The following KIF20B variants were observed in gnomAD, a reference collection of about 807,000 sequenced individuals.
The protein encoded by KIF20B is kinesin family member 20B.
A neutral mutation model predicts 232.5 loss-of-function variants in KIF20B; 188 were observed. The ratio of observed to expected loss-of-function variants is 0.81; its 90% CI spans 0.72 to 0.91. The LOEUF is 0.91. KIF20B is among the 40% of genes least tolerant of loss of function. The pLI, the probability that KIF20B is intolerant of heterozygous loss-of-function variation, is 0.00. For missense variants in KIF20B, 2,154 were observed against 2,055.9 expected, an observed-to-expected ratio of 1.05 and a Z score of -0.92; for synonymous variants, 712 against 683.0, an observed-to-expected ratio of 1.04 and a Z score of -0.66.
chr10:89,704,828 A>G (rs1308173636), intron 1 of KIF20B, among the ~76,000 whole-genome samples: 1 of 152,222 alleles, frequency 6.6e-6, no homozygotes, highest in Non-Finnish European at 1.5e-5. Context: ...AAGTGCTGGG[A>G]TTACAGGCGT....
At chr10:89,753,300 GT>G (rs1231713167) in intron 25 of KIF20B, among the ~76,000 whole-genome samples, 1 of 152,080 alleles carries the variant, frequency 6.6e-6, no homozygotes, top group Non-Finnish European at 1.5e-5. Flanking sequence ...AAACATAATA[GT>G]TTTGGGAGAT....
chr10:89,771,922 A>G (rs1274884496), intron 31 of KIF20B, among the ~76,000 whole-genome samples: 1 of 151,928 alleles, frequency 6.6e-6, no homozygotes, highest in Non-Finnish European at 1.5e-5. Flanking sequence ...CTGGGTTGTT[A>G]CTTTCATTTT....
Position 89,771,522 on chromosome 10 carries a change from G to A in KIF20B, c.5243-1167G>A, listed in dbSNP as rs1255094759. 2.0e-5 allele frequency among the ~76,000 whole-genome samples: 3 copies of A among 151,982 alleles called. No individual in the cohort carries two copies. The East Asian group carries it at 5.8e-4, about 29-fold the overall frequency. On this transcript the variant is annotated intron_variant, in intron 31 of 32. Coordinates refer to ENST00000371728, the MANE Select transcript of KIF20B (RefSeq NM_001284259.2). The stretch of plus-strand genomic sequence containing the variant: ...GCCAATGCATTATAATCTCTTAAGG[G>A]AGTTATAGTCAAGGATCCAGCATCC...
At chr10:89,764,679 CT>C (rs571674346) in intron 29 of KIF20B, among the ~76,000 whole-genome samples, 89 of 151,740 alleles carry the variant, frequency 5.9e-4, no homozygotes, top group Middle Eastern at 3.4e-3. Flanking sequence ...TGTTTTTTGG[CT>C]GCATAAATGT....
In KIF20B at chr10:89,759,738, T is replaced by C. The variant is rs567347384; in HGVS notation, c.4681-788T>C. On this transcript the variant is annotated intron_variant, in intron 27 of 32. Transcript: ENST00000371728. ...AGAGTTGTGAAATTAATGAAGATTG[T>C]AAAACAAGTAGCACAGTTCTTACTC... Among the ~76,000 whole-genome samples, 3 of 152,260 alleles carry C rather than the reference T, an allele frequency of 2.0e-5. No homozygotes were observed. The East Asian group carries it at 5.8e-4, about 29-fold the overall frequency.
chr10:89,772,859 T>C, intron 32 of KIF20B, 28 bp downstream of exon 32: 1 of 1,561,668 alleles, frequency 6.4e-7, no homozygotes, highest in Non-Finnish European at 8.6e-7. Flanking sequence ...TTTTCATCAA[T>C]GTAGAACTGT....
chr10:89,772,360 T>C (rs1842479693), intron 31 of KIF20B, among the ~76,000 whole-genome samples: 1 of 152,098 alleles, frequency 6.6e-6, no homozygotes, highest in South Asian at 2.1e-4. Flanking sequence ...CCACTATGTA[T>C]ATATCCTGCT....
rs1843151269 is a variant in KIF20B, at chr10:89,725,065, A to AGAT, written c.1908_1909insGAT (p.Glu636_Arg637insAsp). The AGAT allele has an allele frequency of 6.2e-7, 1 of 1,613,754 alleles. No individual in the cohort carries two copies. The highest frequency in any genetic ancestry group is 8.5e-7 in the Non-Finnish European group (1 of 1,179,830). On this transcript the variant is annotated inframe_insertion, in exon 15 of 33. Coordinates refer to ENST00000371728, the MANE Select transcript of KIF20B (RefSeq NM_001284259.2). Reference sequence around the variant, plus strand: ...GAGAGATATTAGAAGAAAATGCTGAACGTCGTTTGGCTATCTTCAAGGATT... The same window carrying AGAT: ...GAGAGATATTAGAAGAAAATGCTGAAGATCGTCGTTTGGCTATCTTCAAGGATT...
chr10:89,715,992 A>AAAATAAATAAATAAATAAAT lies in KIF20B; in HGVS notation c.941-432_941-413dup, dbSNP rs372772817. Among the ~76,000 whole-genome samples the AAAATAAATAAATAAATAAAT allele has an allele frequency of 6.1e-3, 911 of 149,044 alleles. 3 individuals carry two copies. The highest frequency in any genetic ancestry group is 0.012 in the South Asian group (54 of 4,626). On this transcript the variant is annotated intron_variant, in intron 8 of 32. Coordinates refer to ENST00000371728, the MANE Select transcript of KIF20B (RefSeq NM_001284259.2). ...GGCAACAGAGTGAAACCTTGTCTCC[A>AAAATAAATAAATAAATAAAT]AAATAAATAAATAAATAAATAAATA...
chr10:89,752,140 A>T (rs181892126), intron 24 of KIF20B, among the ~76,000 whole-genome samples: 1 of 152,174 alleles, frequency 6.6e-6, no homozygotes, highest in East Asian at 1.9e-4. Flanking sequence ...GAGATGAAAA[A>T]ATGTAATAGT....
At chr10:89,773,037 A>G (rs1284681094) in intron 32 of KIF20B, among the ~76,000 whole-genome samples, 2 of 152,062 alleles carry the variant, frequency 1.3e-5, no homozygotes, top group Non-Finnish European at 2.9e-5. Context: ...GCATTTGAAA[A>G]TGCATCAGAG....
At position 89,714,997 on chromosome 10, in the gene KIF20B, C is replaced by A; in HGVS notation, c.755C>A (p.Ser252Tyr). 1.3e-6 allele frequency: 2 copies of A among 1,593,728 alleles called. No individual in the cohort carries two copies. Among genetic ancestry groups the A allele is most frequent in the South Asian group, 1.2e-5 (1 of 86,326 alleles). Residue 252 changes from serine (S) to tyrosine (Y), a missense_variant, in exon 8 of 33, where the codon TCC (serine) becomes TAC (tyrosine). Coordinates refer to ENST00000371728, the MANE Select transcript of KIF20B (RefSeq NM_001284259.2). ...TTGAATATCTCAGAGTTTGAAGAATCCATAAAAGATTATGAACAAGCCAAC... is the reference window on the plus strand; with the variant it reads ...TTGAATATCTCAGAGTTTGAAGAATACATAAAAGATTATGAACAAGCCAAC... ...NSLNISEFEE[S>Y]IKDYEQANLN... is the part of the protein sequence containing the mutation.
At chr10:89,745,352 G>A (rs944734863) in intron 22 of KIF20B, among the ~76,000 whole-genome samples, 5 of 151,952 alleles carry the variant, frequency 3.3e-5, no homozygotes, top group African/African-American at 4.8e-5. Context: ...GTGAAACCCC[G>A]TCTCTACTAA....
rs1842535673 is a variant in KIF20B, at chr10:89,774,802, C to T, written c.*754C>T. Reference sequence around the variant, plus strand: ...CTTTTTATCTTATTTGTTTTTGTACCCATTAACCATCCCCACCTCCCCCTG... The same window carrying T: ...CTTTTTATCTTATTTGTTTTTGTACTCATTAACCATCCCCACCTCCCCCTG... On this transcript the variant is annotated 3_prime_UTR_variant, in exon 33 of 33. Transcript: ENST00000371728. 1.3e-5 allele frequency: 2 copies of T among 151,638 alleles called. No homozygotes were observed. Among genetic ancestry groups the T allele is most frequent in the South Asian group, 2.1e-4 (1 of 4,810 alleles). 9.4% of individuals were successfully genotyped at this position (151,638 alleles called of 1,614,324 possible).
At chr10:89,748,947 T>C (rs1233222684) in intron 23 of KIF20B, among the ~76,000 whole-genome samples, 1 of 152,188 alleles carries the variant, frequency 6.6e-6, no homozygotes, top group Non-Finnish European at 1.5e-5. Flanking sequence ...GCTTTTTATT[T>C]TTCATTATTT....
chr10:89,759,126 T>G (rs961938877), intron 27 of KIF20B, among the ~76,000 whole-genome samples: 17 of 152,052 alleles, frequency 1.1e-4, no homozygotes, highest in African/African-American at 4.1e-4. Flanking sequence ...TTAGAAAATA[T>G]TAGTATTTCT....
intron 17 of KIF20B, among the ~76,000 whole-genome samples, chr10:89,728,905 TTGTGTGTGTGTGTG>T (rs71022581): frequency 1.1e-3 from 148 of 138,074 alleles, no homozygotes; most frequent in South Asian, 9.6e-4. Context: ...TCTTTTTTCT[TTGTGTGTGTGTGTG>T]TGTGTGTGTG....
At position 89,737,953 on chromosome 10, in the gene KIF20B, C is replaced by G. The variant is rs750472714; in HGVS notation, c.3112C>G (p.Gln1038Glu). The G allele has an allele frequency of 6.2e-7, 1 of 1,613,068 alleles. No homozygotes were observed. The highest frequency in any genetic ancestry group is 1.7e-5 in the Admixed American group (1 of 59,940). Residue 1038 changes from glutamine to glutamate, a missense_variant, in exon 20 of 33, where the codon CAA becomes GAA. Transcript: ENST00000371728. ...AGGTAATGATTATTTGGTAAGTAAG[C>G]AAGTTAAAGAATATCGAATTCAAGA... Reference protein sequence around the residue: ...LLGNDYLVSKQVKEYRIQEPN... With the variant: ...LLGNDYLVSKEVKEYRIQEPN...
At chr10:89,702,217 T>G (rs942780501) in intron 1 of KIF20B, among the ~76,000 whole-genome samples, 1 of 152,172 alleles carries the variant, frequency 6.6e-6, no homozygotes, top group Admixed American at 6.5e-5. Context: ...GGGGGAGCCC[T>G]GTGGTAGCCT....
Sources: allele counts gnomAD v4.1 joint callset (sites outside exome capture counted in the v4.1 genomes callset), GRCh38; gene constraint gnomAD v4.1.1; transcripts MANE v1.5; gene names NCBI Gene and HGNC (gene_info 2026-07-23, HGNC 2026-07-21).